Variants in DIS3L2 observed in about 807,000 individuals in gnomAD.
DIS3L2 encodes the protein DIS3-like exonuclease 2.
In DIS3L2, 34 loss-of-function variants were observed where a neutral mutation model predicts 97.5. The ratio of observed to expected loss-of-function variants is 0.35; its 90% CI spans 0.27 to 0.46. The LOEUF (loss-of-function observed/expected upper bound fraction) is 0.46. Ranked by LOEUF, DIS3L2 falls within the 20% of genes least tolerant of loss-of-function variation. DIS3L2 has a pLI of 1.00. For missense variants in DIS3L2, 1,038 were observed against 1,146.0 expected (o/e 0.91, Z 1.36); for synonymous variants, 435 against 445.2 (o/e 0.98, Z 0.29).
chr2:232,042,514 A>G (rs937672837), intron 5 of DIS3L2, among the ~76,000 whole-genome samples: 2 of 152,212 alleles, frequency 1.3e-5, no homozygotes, highest in Non-Finnish European at 2.9e-5. Context: ...CGGAGCCTCC[A>G]TCAAGAGTAG....
intron 9 of DIS3L2, among the ~76,000 whole-genome samples, chr2:232,191,891 T>C (rs1218467534): frequency 2.0e-5 from 3 of 152,164 alleles, no homozygotes; most frequent in Non-Finnish European, 4.4e-5. Flanking sequence ...TGAAATAGAG[T>C]TATTTTGAAA....
intron 14 of DIS3L2, among the ~76,000 whole-genome samples, chr2:232,327,909 G>T (rs560250265): frequency 5.9e-4 from 90 of 152,350 alleles, no homozygotes; most frequent in African/African-American, 1.9e-3. Context: ...CTGAGCAGGT[G>T]CCATTGTGAC....
intron 6 of DIS3L2, among the ~76,000 whole-genome samples, chr2:232,119,988 C>T (rs77907105): frequency 0.014 from 2,062 of 152,202 alleles, 18 homozygotes; most frequent in Non-Finnish European, 0.02. Flanking sequence ...ATTCATCTTA[C>T]GCTCTAATAT....
rs559250308 is a variant in DIS3L2, at chr2:232,313,148, C to G, written c.1739+13029C>G. ...TATTTCTGGACATAATAATAATAGG[C>G]ATTTATGTCTTGTTCCTGATCTCAA... On this transcript the variant is annotated intron_variant, in intron 14 of 20. Transcript: ENST00000325385. Among the ~76,000 whole-genome samples, 11 of 152,186 alleles carry G rather than the reference C, an allele frequency of 7.2e-5. No homozygotes were observed. The East Asian group carries it at 2.1e-3, about 29-fold the overall frequency.
chr2:232,035,400 G>A (rs925923789), intron 5 of DIS3L2, among the ~76,000 whole-genome samples: 6 of 152,090 alleles, frequency 3.9e-5, no homozygotes, highest in East Asian at 1.9e-4. Context: ...GTCTCTGCAC[G>A]TGAGATGGCT....
chr2:232,250,736 G>A (rs71421628), intron 12 of DIS3L2, among the ~76,000 whole-genome samples: 3 of 152,266 alleles, frequency 2.0e-5, no homozygotes, highest in South Asian at 4.1e-4. Context: ...TGACACCTTG[G>A]GGGAGATTGA....
chr2:232,045,301 T>A (rs1695207560), intron 5 of DIS3L2, among the ~76,000 whole-genome samples: 1 of 152,196 alleles, frequency 6.6e-6, no homozygotes, highest in Non-Finnish European at 1.5e-5. Flanking sequence ...GGTAAGTTCT[T>A]GTCAGCTTTG....
chr2:232,224,037 C>T (rs901787), intron 10 of DIS3L2, among the ~76,000 whole-genome samples: 10,727 of 152,206 alleles, frequency 0.07, 465 homozygotes, highest in Middle Eastern at 0.16. Context: ...CTGCGGTGAG[C>T]CATGATCGCA....
intron 13 of DIS3L2, among the ~76,000 whole-genome samples, chr2:232,265,617 A>G (rs931159733): frequency 6.6e-6 from 1 of 152,272 alleles, no homozygotes; most frequent in African/African-American, 2.4e-5. Context: ...TTAACTAAAT[A>G]TCAGGGAAAC....
At chr2:231,989,514 A>C (rs1693524190) in intron 1 of DIS3L2, among the ~76,000 whole-genome samples, 1 of 152,150 alleles carries the variant, frequency 6.6e-6, no homozygotes, top group Non-Finnish European at 1.5e-5. Context: ...AATAAAGAGT[A>C]AAAGAGTCTC....
At chr2:232,329,785 T>TCCCCGGGGGGCGCC in intron 14 of DIS3L2, 28 bp from the exon 15 acceptor site, 1 of 967,144 alleles carries the variant, frequency 1.0e-6, no homozygotes, top group Non-Finnish European at 1.5e-6. Context: ...ACCCCAGCGG[T>TCCCCGGGGGGCGCC]CCCTCCCATC....
At chr2:232,086,463 A>T (rs1231116915) in intron 5 of DIS3L2, among the ~76,000 whole-genome samples, 1 of 148,138 alleles carries the variant, frequency 6.8e-6, no homozygotes, top group Non-Finnish European at 1.5e-5. Context: ...TGCAGATTGT[A>T]TAACAAAGTC....
intron 5 of DIS3L2, among the ~76,000 whole-genome samples, chr2:232,073,866 T>C (rs1299873890): frequency 6.6e-6 from 1 of 152,208 alleles, no homozygotes; most frequent in Admixed American, 6.5e-5. Flanking sequence ...TGAATTGCTG[T>C]TTGCAACTGA....
At chr2:231,982,730 A>C (rs1553597201) in intron 1 of DIS3L2, among the ~76,000 whole-genome samples, 1 of 148,894 alleles carries the variant, frequency 6.7e-6, no homozygotes, top group Non-Finnish European at 1.5e-5. Context: ...CCCAGGCTGG[A>C]GTGTAGTGGC....
At chr2:232,303,528 T>G (rs2106324546) in intron 14 of DIS3L2, among the ~76,000 whole-genome samples, 1 of 152,330 alleles carries the variant, frequency 6.6e-6, no homozygotes, top group South Asian at 2.1e-4. Flanking sequence ...TTTTTGGATA[T>G]TCCCTGCAGT....
rs139416588 is a variant in DIS3L2 at position 232,290,361 on chromosome 2, C to G, written c.1660-9679C>G. 2.0e-5 allele frequency among the ~76,000 whole-genome samples: 3 copies of G among 152,366 alleles called. No individual in the cohort carries two copies. In the East Asian group the frequency reaches 5.8e-4, roughly 29 times the overall value. On this transcript the variant is annotated intron_variant, in intron 13 of 20. Transcript: ENST00000325385. The stretch of plus-strand genomic sequence containing the variant: ...CTGCTGAGGTAAAGGTGCTCCTGTT[C>G]TGCTAAAGGAGACCCTGGGATCAGG...
chr2:232,192,736 C>T (rs767448232), intron 9 of DIS3L2, among the ~76,000 whole-genome samples: 11 of 152,178 alleles, frequency 7.2e-5, no homozygotes, highest in African/African-American at 1.9e-4. Flanking sequence ...AAAGCCAGGA[C>T]GAGTTAGCCA....
intron 1 of DIS3L2, chr2:231,978,591 C>T (rs1429758573): frequency 2.5e-4 from 38 of 152,196 alleles, no homozygotes; most frequent in Non-Finnish European, 5.6e-4. Context: ...AGAATGATTT[C>T]CTAGTGGATA....
In DIS3L2 at chr2:232,336,924, TGGG is replaced by T. The variant is rs555818431; in HGVS notation, c.*299_*301del. 4 of 1,227,838 alleles carry T rather than the reference TGGG, an allele frequency of 3.3e-6. No homozygotes were observed. The highest frequency in any genetic ancestry group is 8.4e-5 in the Admixed American group (2 of 23,890). The allele number at this position is 1,227,838 out of a possible 1,614,324, so 76.1% of individuals were successfully genotyped here. A position where few individuals can be genotyped will look rare whatever the true frequency, so the allele number is the denominator to read the frequency against. On this transcript the variant is annotated 3_prime_UTR_variant, in exon 21 of 21. Coordinates refer to ENST00000325385, the MANE Select transcript of DIS3L2 (RefSeq NM_152383.5). ...CTACTGCCCTCCTCTGCCCAGGAAATGGGGGGGTTTCAGCAACTCAGTGTCACA... is the reference window on the plus strand; with the variant it reads ...CTACTGCCCTCCTCTGCCCAGGAAATGGGGTTTCAGCAACTCAGTGTCACA...
Sources: gnomAD v4.1 joint callset for allele counts (sites outside exome capture counted in the v4.1 genomes callset) on GRCh38, gnomAD v4.1.1 for gene constraint, MANE v1.5 for transcripts, NCBI Gene and HGNC (gene_info 2026-07-23, HGNC 2026-07-21) for gene names.